Variants in CEP112 observed in about 807,000 individuals in gnomAD.
CEP112 encodes the protein centrosomal protein 112.
A neutral mutation model predicts 153.0 loss-of-function variants in CEP112; 127 were observed. The ratio of observed to expected loss-of-function variants is 0.83; its 90% CI spans 0.72 to 0.96. The LOEUF (loss-of-function observed/expected upper bound fraction) is 0.96, where lower values mean the gene tolerates loss of function less well. Among genes scored for constraint, CEP112 ranks in the 40% least tolerant of loss-of-function variants. The pLI is 0.00. For synonymous variants in CEP112, 358 were observed against 374.4 expected (o/e 0.96, Z 0.51); for missense variants, 1,089 against 1,101.2 (o/e 0.99, Z 0.16).
chr17:65,854,142 A>G (rs1476616691), intron 20 of CEP112, among the ~76,000 whole-genome samples: 3 of 152,208 alleles, frequency 2.0e-5, no homozygotes, highest in Non-Finnish European at 2.9e-5. Flanking sequence ...TGTATGTTCA[A>G]CAAGCACAGC....
chr17:65,821,540 ATTTTT>A (rs869059954), intron 21 of CEP112, among the ~76,000 whole-genome samples: 11 of 33,612 alleles, frequency 3.3e-4, no homozygotes, highest in Non-Finnish European at 3.8e-4. Context: ...ATATATATAT[ATTTTT>A]TTTTTTTTTT....
intron 22 of CEP112, among the ~76,000 whole-genome samples, chr17:65,747,282 G>A (rs999458885): frequency 5.4e-5 from 8 of 148,824 alleles, no homozygotes; most frequent in African/African-American, 2.1e-4. Context: ...TGCATTCTGG[G>A]TTGGCCCCCA....
intron 18 of CEP112, among the ~76,000 whole-genome samples, chr17:65,937,574 G>T (rs1292962761): frequency 4.7e-5 from 4 of 84,592 alleles, no homozygotes; most frequent in South Asian, 7.0e-4. Context: ...GGTGGGGGGG[G>T]TCAGCCCCCC....
At chr17:65,647,939 G>A (rs2045530359) in intron 24 of CEP112, among the ~76,000 whole-genome samples, 1 of 152,118 alleles carries the variant, frequency 6.6e-6, no homozygotes, top group Non-Finnish European at 1.5e-5. Flanking sequence ...GCAAGATGAG[G>A]TTGAGTGGAG....
intron 21 of CEP112, among the ~76,000 whole-genome samples, chr17:65,780,421 T>C (rs2053932501): frequency 6.6e-6 from 1 of 152,074 alleles, no homozygotes; most frequent in South Asian, 2.1e-4. Flanking sequence ...ATACAAACTT[T>C]AAGAGAATGA....
chr17:66,111,528 A>G (rs2069044263), intron 6 of CEP112, among the ~76,000 whole-genome samples: 1 of 152,386 alleles, frequency 6.6e-6, no homozygotes, highest in Non-Finnish European at 1.5e-5. Flanking sequence ...GTGATAAAAA[A>G]GGATGAGATC....
At chr17:65,863,026 G>T (rs9910009) in intron 20 of CEP112, among the ~76,000 whole-genome samples, 130,917 of 152,044 alleles carry the variant, frequency 0.86, 56,590 homozygotes, top group East Asian at 0.94. Flanking sequence ...AGTTCTAGTA[G>T]GCATTTTAAT....
intron 1 of CEP112, among the ~76,000 whole-genome samples, chr17:66,187,556 G>T (rs1311573499): frequency 6.6e-6 from 1 of 152,038 alleles, no homozygotes; most frequent in East Asian, 1.9e-4. Flanking sequence ...TTCACTGCTG[G>T]CTCCCCTACT....
chr17:66,075,036 AG>A (rs2067441042), intron 8 of CEP112, among the ~76,000 whole-genome samples: 1 of 152,162 alleles, frequency 6.6e-6, no homozygotes. Flanking sequence ...ACTCATCACC[AG>A]TAGAACTGCA....
chr17:66,176,968 T>C lies in CEP112; in HGVS notation c.159A>G (p.Thr53=), dbSNP rs1342519503. The stretch of plus-strand genomic sequence containing the variant: ...TCTTCCTCCCCATTATTCCTGCACC[T>C]GTTCCTGAAGGTTCGCACAGCTTTC... ...WIRKLCEPSG[T]GAGIMGRKNR... The change falls in exon 3 of 27, where the codon ACA becomes ACG. Residue 53 remains threonine (T), a synonymous_variant. Transcript: ENST00000535342. 1.2e-6 allele frequency: 2 copies of C among 1,613,746 alleles called. No homozygotes were observed. The highest frequency in any genetic ancestry group is 2.2e-5 in the East Asian group (1 of 44,888).
At chr17:66,177,096 C>A (rs903744647) in intron 2 of CEP112, 76 bp from the exon 3 acceptor site, 177 of 1,177,844 alleles carry the variant, frequency 1.5e-4, no homozygotes, top group Non-Finnish European at 1.9e-4. Flanking sequence ...CCTATAATAG[C>A]ACCTGCTTTA....
intron 18 of CEP112, among the ~76,000 whole-genome samples, chr17:65,948,640 A>G (rs1259720691): frequency 6.6e-6 from 1 of 151,978 alleles, no homozygotes; most frequent in Non-Finnish European, 1.5e-5. Context: ...CAATTAAAAT[A>G]TGTACATTTT....
At chr17:66,124,026 C>A (rs769617782) in intron 6 of CEP112, among the ~76,000 whole-genome samples, 3 of 152,182 alleles carry the variant, frequency 2.0e-5, no homozygotes, top group South Asian at 2.1e-4. Flanking sequence ...GCTCTGGTGT[C>A]AGTTTCAAGT....
At chr17:66,085,882 TAGG>T in intron 8 of CEP112, among the ~76,000 whole-genome samples, 1 of 146,328 alleles carries the variant, frequency 6.8e-6, no homozygotes, top group East Asian at 2.0e-4. Flanking sequence ...GAGGCTGAGG[TAGG>T]AGAATTGCTT....
intron 6 of CEP112, among the ~76,000 whole-genome samples, chr17:66,101,713 A>G (rs1331033647): frequency 1.3e-5 from 2 of 152,108 alleles, no homozygotes; most frequent in Non-Finnish European, 2.9e-5. Flanking sequence ...GAAACCAAAT[A>G]CTATTGATTA....
intron 4 of CEP112, among the ~76,000 whole-genome samples, chr17:66,139,548 C>G (rs1161011062): frequency 6.6e-6 from 1 of 152,022 alleles, no homozygotes; most frequent in Non-Finnish European, 1.5e-5. Context: ...GTCAAGGCGG[C>G]AGTGAGCAGT....
chr17:66,004,589 T>C (rs1373647227), intron 17 of CEP112, among the ~76,000 whole-genome samples: 11 of 152,184 alleles, frequency 7.2e-5, no homozygotes, highest in Non-Finnish European at 1.3e-4. Context: ...CTAATTCATA[T>C]TGACAAGGTA....
intron 21 of CEP112, among the ~76,000 whole-genome samples, chr17:65,775,953 G>A (rs562764973): frequency 1.3e-5 from 2 of 152,314 alleles, no homozygotes; most frequent in Admixed American, 1.3e-4. Flanking sequence ...AATCAGTGAC[G>A]ACTGGCTTTG....
At chr17:66,130,672 A>C (rs1166927501) in intron 5 of CEP112, among the ~76,000 whole-genome samples, 1 of 150,150 alleles carries the variant, frequency 6.7e-6, no homozygotes, top group East Asian at 1.9e-4. Flanking sequence ...GCTACTCGGG[A>C]CGCTGAGGCA....
Sources: gnomAD v4.1 joint callset for allele counts (sites outside exome capture counted in the v4.1 genomes callset) on GRCh38, gnomAD v4.1.1 for gene constraint, MANE v1.5 for transcripts, NCBI Gene and HGNC (gene_info 2026-07-23, HGNC 2026-07-21) for gene names.